Variants in GLIS3 observed in about 807,000 individuals in gnomAD.
GLIS3 encodes GLIS family zinc finger 3.
Under a neutral mutation model 78.6 loss-of-function variants are expected in GLIS3, and 53 were observed. The observed-to-expected ratio is 0.67, with a 90% CI of 0.54 to 0.85. The LOEUF (loss-of-function observed/expected upper bound fraction) is 0.85, where lower values mean the gene tolerates loss of function less well. Ranked by LOEUF, GLIS3 falls within the 40% of genes least tolerant of loss-of-function variation. GLIS3 has a pLI of 0.00. For synonymous variants in GLIS3, 684 were observed against 509.9 expected, an observed-to-expected ratio of 1.34 and a Z score of -4.60; for missense variants, 1,703 against 1,231.1, an observed-to-expected ratio of 1.38 and a Z score of -5.74.
chr9:3,949,577 C>A (rs746891601), intron 4 of GLIS3, among the ~76,000 whole-genome samples: 1 of 152,158 alleles, frequency 6.6e-6, no homozygotes, highest in South Asian at 2.1e-4. Context: ...AATTTACCAA[C>A]AGTAACAAAA....
At chr9:4,015,337 A>T (rs938816298) in intron 4 of GLIS3, among the ~76,000 whole-genome samples, 1 of 152,230 alleles carries the variant, frequency 6.6e-6, no homozygotes, top group Non-Finnish European at 1.5e-5. Context: ...CTGGAAACGC[A>T]TACCAAAGTA....
chr9:3,852,038 A>T (rs1407460152), intron 9 of GLIS3, among the ~76,000 whole-genome samples: 1 of 152,068 alleles, frequency 6.6e-6, no homozygotes, highest in East Asian at 1.9e-4. Context: ...CCAGCTACTC[A>T]GGAGGCTGAG....
At chr9:3,966,991 C>T (rs1336001116) in intron 4 of GLIS3, among the ~76,000 whole-genome samples, 1 of 126,492 alleles carries the variant, frequency 7.9e-6, no homozygotes, top group East Asian at 2.4e-4. Context: ...CTACCCTCAA[C>T]TCCAGACAAT....
chr9:4,193,095 C>T (rs928755613), intron 2 of GLIS3, among the ~76,000 whole-genome samples: 18 of 152,134 alleles, frequency 1.2e-4, no homozygotes, highest in Admixed American at 2.0e-4. Context: ...TTTAAGCATT[C>T]GAATGAAATG....
At chr9:4,301,373 A>T (rs1456958435), upstream of GLIS3, among the ~76,000 whole-genome samples, 1 of 152,248 alleles carries the variant, frequency 6.6e-6, no homozygotes, top group Non-Finnish European at 1.5e-5. Flanking sequence ...AACCACACGT[A>T]AGAAAAGAAA....
the GLIS3 span, among the ~76,000 whole-genome samples, chr9:4,396,430 A>G: frequency 3.3e-4 from 50 of 152,222 alleles, no homozygotes; most frequent in African/African-American, 1.2e-3. Flanking sequence ...TGCCCAGCCC[A>G]TTTTTACTTT....
At chr9:3,863,703 A>G (rs1292175708) in intron 8 of GLIS3, among the ~76,000 whole-genome samples, 3 of 152,236 alleles carry the variant, frequency 2.0e-5, no homozygotes, top group African/African-American at 7.2e-5. Context: ...CATATACATC[A>G]TGAGTGAGTG....
At chr9:4,106,673 T>A (rs1298688375) in intron 4 of GLIS3, among the ~76,000 whole-genome samples, 1 of 152,202 alleles carries the variant, frequency 6.6e-6, no homozygotes. Context: ...ACATTGTGTG[T>A]ATCAAATAAG....
chr9:3,855,586 G>A (rs1819727926), intron 9 of GLIS3: 1 of 256,240 alleles, frequency 3.9e-6, no homozygotes, highest in Non-Finnish European at 7.6e-6. Flanking sequence ...CTTCAGAGAG[G>A]AGGTGTCATT....
intron 2 of GLIS3, among the ~76,000 whole-genome samples, chr9:4,141,152 T>C (rs1833783705): frequency 6.6e-6 from 1 of 152,136 alleles, no homozygotes; most frequent in African/African-American, 2.4e-5. Context: ...ACTGAGATTA[T>C]TCCAGGTGCT....
chr9:4,101,523 T>G (rs1830369973), intron 4 of GLIS3, among the ~76,000 whole-genome samples: 1 of 152,178 alleles, frequency 6.6e-6, no homozygotes, highest in African/African-American at 2.4e-5. Context: ...ATCCCAAAAC[T>G]CAGTCTAGAT....
chr9:4,016,231 C>T lies in GLIS3; in HGVS notation c.1711-79042G>A, dbSNP rs151331269. 1.1e-4 allele frequency among the ~76,000 whole-genome samples: 17 copies of T among 152,288 alleles called. No homozygotes were observed. The East Asian group carries it at 2.7e-3, about 24-fold the overall frequency. On this transcript the variant is annotated intron_variant, in intron 4 of 10. Coordinates refer to ENST00000381971, the MANE Select transcript of GLIS3 (RefSeq NM_001042413.2). The stretch of plus-strand genomic sequence containing the variant: ...CCAGAAAGTCAATGGCCACATAGCA[C>T]TGTCATCTCATAAAAAGCCTTGGAC...
chr9:4,139,887 G>T (rs1833680391), intron 2 of GLIS3, among the ~76,000 whole-genome samples: 1 of 152,174 alleles, frequency 6.6e-6, no homozygotes, highest in Admixed American at 6.5e-5. Context: ...TGTGTGGCCT[G>T]GTTCCTAACA....
intron 4 of GLIS3, among the ~76,000 whole-genome samples, chr9:3,944,978 T>G (rs949550912): frequency 6.6e-6 from 1 of 152,232 alleles, no homozygotes; most frequent in African/African-American, 2.4e-5. Flanking sequence ...CAGCCTGCTT[T>G]GGAGACAACT....
chr9:3,937,142 G>A lies in GLIS3; in HGVS notation c.1758C>T (p.Ile586=), dbSNP rs753754796. Residue 586 remains isoleucine, a synonymous_variant, in exon 5 of 11, where the codon ATC becomes ATT. Transcript: ENST00000381971. ...TCTCGCCTGTGTGGCTCCGCAAGTG[G>A]ATCTTGAGATTTTCAAGCCTTGAAA... ...KAFSRLENLK[I]HLRSHTGEKP... is the part of the protein sequence containing the mutation. The A allele has an allele frequency of 5.6e-6, 9 of 1,614,102 alleles. No homozygotes were observed. Among genetic ancestry groups the A allele is most frequent in the Non-Finnish European group, 7.6e-6 (9 of 1,180,016 alleles).
At chr9:3,895,241 G>A (rs1439642406) in intron 7 of GLIS3, among the ~76,000 whole-genome samples, 2 of 152,230 alleles carry the variant, frequency 1.3e-5, no homozygotes, top group Admixed American at 6.5e-5. Context: ...AACAGGCTAT[G>A]AAATAGTCCC....
At chr9:4,242,273 C>G (rs1204848188) in intron 2 of GLIS3, among the ~76,000 whole-genome samples, 1 of 152,074 alleles carries the variant, frequency 6.6e-6, no homozygotes, top group Non-Finnish European at 1.5e-5. Flanking sequence ...TCTTCTAATT[C>G]TAGGACATCT....
intron 2 of GLIS3, among the ~76,000 whole-genome samples, chr9:4,325,136 A>C (rs183005977): frequency 1.8e-4 from 27 of 152,328 alleles, no homozygotes; most frequent in Admixed American, 9.2e-4. Context: ...TGGTATGTCT[A>C]TAAAGCCCAT....
chr9:4,280,219 C>T (rs972075458), intron 2 of GLIS3, among the ~76,000 whole-genome samples: 2 of 152,204 alleles, frequency 1.3e-5, no homozygotes, highest in East Asian at 3.8e-4. Context: ...AGAGGGGTCT[C>T]ACTTTGTTGC....
Sources: gnomAD v4.1 joint callset for allele counts (sites outside exome capture counted in the v4.1 genomes callset) on GRCh38, gnomAD v4.1.1 for gene constraint, MANE v1.5 for transcripts, NCBI Gene and HGNC (gene_info 2026-07-23, HGNC 2026-07-21) for gene names.